The following PDE3A variants were observed in gnomAD, a reference collection of about 807,000 sequenced individuals.
The protein encoded by PDE3A is phosphodiesterase 3A, also known as cGMP-inhibited 3',5'-cyclic phosphodiesterase 3A.
Under a neutral mutation model 98.3 loss-of-function variants are expected in PDE3A, and 43 were observed. The ratio of observed to expected loss-of-function variants is 0.44; its 90% CI spans 0.34 to 0.56. PDE3A has a LOEUF of 0.56. PDE3A is among the 20% of genes least tolerant of loss of function. PDE3A has a pLI of 0.01. For synonymous variants in PDE3A, 663 were observed against 567.9 expected, an observed-to-expected ratio of 1.17 and a Z score of -2.38; for missense variants, 1,427 against 1,440.7, an observed-to-expected ratio of 0.99 and a Z score of 0.15.
chr12:20,505,868 A>C (rs1946107262), intron 1 of PDE3A, among the ~76,000 whole-genome samples: 1 of 152,080 alleles, frequency 6.6e-6, no homozygotes, highest in Non-Finnish European at 1.5e-5. Flanking sequence ...GCTGCCATAT[A>C]CAAAACAAAT....
At chr12:20,424,340 CT>C (rs1944569967) in intron 1 of PDE3A, among the ~76,000 whole-genome samples, 3 of 152,092 alleles carry the variant, frequency 2.0e-5, no homozygotes, top group African/African-American at 7.2e-5. Flanking sequence ...CTCAACTTTT[CT>C]TTACCTCCCC....
chr12:20,424,348 C>G (rs75672050), intron 1 of PDE3A, among the ~76,000 whole-genome samples: 6,480 of 152,138 alleles, frequency 0.043, 179 homozygotes, highest in South Asian at 0.06. Flanking sequence ...TTCTTTACCT[C>G]CCCACTGCCC....
intron 1 of PDE3A, among the ~76,000 whole-genome samples, chr12:20,388,137 G>T (rs1055514421): frequency 7.2e-5 from 11 of 152,020 alleles, no homozygotes; most frequent in Non-Finnish European, 1.3e-4. Context: ...GGTCGTTTGG[G>T]TTGGAGACAT....
intron 1 of PDE3A, among the ~76,000 whole-genome samples, chr12:20,531,320 G>A (rs952770321): frequency 4.6e-5 from 7 of 151,754 alleles, no homozygotes; most frequent in African/African-American, 1.5e-4. Context: ...CATCATTACA[G>A]GAAAAAATAA....
intron 1 of PDE3A, among the ~76,000 whole-genome samples, chr12:20,425,774 C>A (rs566996660): frequency 2.6e-5 from 4 of 152,108 alleles, no homozygotes; most frequent in African/African-American, 9.7e-5. Context: ...TGGCACTATG[C>A]GTATTTCACC....
chr12:20,505,080 G>A (rs1306350792), intron 1 of PDE3A, among the ~76,000 whole-genome samples: 1 of 152,058 alleles, frequency 6.6e-6, no homozygotes, highest in Non-Finnish European at 1.5e-5. Context: ...ACCTGTCTGA[G>A]GTTTTAGCTC....
At chr12:20,558,390 C>A (rs12319829) in intron 2 of PDE3A, among the ~76,000 whole-genome samples, 3,645 of 151,912 alleles carry the variant, frequency 0.024, 130 homozygotes, top group African/African-American at 0.083. Flanking sequence ...TTCTAAAAAG[C>A]AAAAGCATTA....
chr12:20,532,715 G>A (rs1360717055), intron 1 of PDE3A, among the ~76,000 whole-genome samples: 1 of 140,020 alleles, frequency 7.1e-6, no homozygotes, highest in Admixed American at 7.6e-5. Context: ...TTGAGACGGA[G>A]TCTCGCTCTG....
chr12:20,581,075 T>C (rs1943050310), intron 2 of PDE3A, among the ~76,000 whole-genome samples: 1 of 152,178 alleles, frequency 6.6e-6, no homozygotes, highest in African/African-American at 2.4e-5. Flanking sequence ...ATGAACTAAT[T>C]TGGGTTTGAG....
chr12:20,526,884 C>CTGTGTGTGTGTGTGTG (rs71039949), intron 1 of PDE3A, among the ~76,000 whole-genome samples: 2 of 136,850 alleles, frequency 1.5e-5, no homozygotes, highest in African/African-American at 2.8e-5. Flanking sequence ...ACATTTTTTT[C>CTGTGTGTGTGTGTGTG]TGTGTGTGTG....
intron 1 of PDE3A, among the ~76,000 whole-genome samples, chr12:20,479,317 A>G (rs1945582645): frequency 6.6e-6 from 1 of 152,146 alleles, no homozygotes; most frequent in Non-Finnish European, 1.5e-5. Context: ...TCCAGTGGGG[A>G]CTGATGGACT....
intron 2 of PDE3A, among the ~76,000 whole-genome samples, chr12:20,578,404 A>G (rs908485102): frequency 6.6e-6 from 1 of 151,978 alleles, no homozygotes; most frequent in Admixed American, 6.6e-5. Flanking sequence ...TCACCGTGGC[A>G]GAAGGAAGGA....
intron 4 of PDE3A, among the ~76,000 whole-genome samples, chr12:20,618,091 T>C (rs1944047914): frequency 6.6e-6 from 1 of 152,186 alleles, no homozygotes; most frequent in Admixed American, 6.5e-5. Flanking sequence ...TTTTCCTCAC[T>C]GCCTAATATA....
At chr12:20,420,707 G>A (rs1293217695) in intron 1 of PDE3A, among the ~76,000 whole-genome samples, 1 of 152,250 alleles carries the variant, frequency 6.6e-6, no homozygotes, top group East Asian at 1.9e-4. Context: ...AGTCCCAGAA[G>A]GACCGGCTGT....
At chr12:20,423,450 A>G (rs1486645443) in intron 1 of PDE3A, among the ~76,000 whole-genome samples, 1 of 152,180 alleles carries the variant, frequency 6.6e-6, no homozygotes, top group Non-Finnish European at 1.5e-5. Flanking sequence ...TACAGCTAAG[A>G]TTAAAGTCTT....
At chr12:20,649,781 C>A (rs944552058) in intron 13 of PDE3A, among the ~76,000 whole-genome samples, 1 of 151,926 alleles carries the variant, frequency 6.6e-6, no homozygotes, top group East Asian at 1.9e-4. Flanking sequence ...CAAAAATTGG[C>A]CAGGTGTGGT....
At chr12:20,495,236 A>G (rs995863012) in intron 1 of PDE3A, among the ~76,000 whole-genome samples, 5 of 151,690 alleles carry the variant, frequency 3.3e-5, no homozygotes, top group Non-Finnish European at 7.4e-5. Context: ...GGTCACCAAT[A>G]CAAGTTCTGT....
At chr12:20,667,894 T>G (rs945408707) in intron 15 of PDE3A, among the ~76,000 whole-genome samples, 1 of 152,162 alleles carries the variant, frequency 6.6e-6, no homozygotes, top group Non-Finnish European at 1.5e-5. Context: ...CCCAGCGTGG[T>G]GGATGCAGAA....
At position 20,613,536 on chromosome 12, in the gene PDE3A, A is replaced by G; in HGVS notation, c.1105A>G (p.Asn369Asp). The G allele has an allele frequency of 6.2e-7, 1 of 1,614,062 alleles. No homozygotes were observed. The highest frequency in any genetic ancestry group is 1.1e-5 in the South Asian group (1 of 91,084). ...DLLADPSLPP[N>D]VCTSLRAVSN... ...CCTGGCAGACCCTTCTCTTCCACCAAACGTGTGCACATCCTTGAGAGCCGT... is the reference window on the plus strand; with the variant it reads ...CCTGGCAGACCCTTCTCTTCCACCAGACGTGTGCACATCCTTGAGAGCCGT... Residue 369 changes from asparagine (N) to aspartate (D), a missense_variant, in exon 3 of 16, where the codon AAC becomes GAC. Asn to Asp is a conservative substitution (Grantham distance 23). This residue lies in a region of PDE3A where 1,012 missense variants were observed against 886.5 expected (regional missense o/e 1.14). Transcript: ENST00000359062.
Sources: allele counts gnomAD v4.1 joint callset (sites outside exome capture counted in the v4.1 genomes callset), GRCh38; gene constraint gnomAD v4.1.1; regional missense constraint gnomAD v4.1.1; transcripts MANE v1.5; gene names NCBI Gene and HGNC (gene_info 2026-07-23, HGNC 2026-07-21).